Variants in DGLUCY observed in about 807,000 individuals in gnomAD.
DGLUCY encodes D-glutamate cyclase.
A neutral mutation model predicts 58.5 loss-of-function variants in DGLUCY; 58 were observed. The observed-to-expected ratio is 0.99, with a 90% CI of 0.80 to 1.23. The LOEUF (loss-of-function observed/expected upper bound fraction) is 1.23, where lower values mean the gene tolerates loss of function less well. DGLUCY is among the 50% of genes most tolerant of loss of function. The pLI, the probability that DGLUCY is intolerant of heterozygous loss-of-function variation, is 0.00. For synonymous variants in DGLUCY, 325 were observed against 314.1 expected (o/e 1.03, Z -0.37); for missense variants, 779 against 784.7 (o/e 0.99, Z 0.09).
chr14:91,121,923 C>A (rs777736468), intron 1 of DGLUCY, among the ~76,000 whole-genome samples: 2 of 152,128 alleles, frequency 1.3e-5, no homozygotes, highest in Non-Finnish European at 2.9e-5. Flanking sequence ...GTCTGCTCAT[C>A]TGTTTATTCC....
At chr14:91,065,698 G>A (rs191497638) in intron 1 of DGLUCY, among the ~76,000 whole-genome samples, 1 of 152,182 alleles carries the variant, frequency 6.6e-6, no homozygotes. Context: ...AGAGCAAATT[G>A]GAGTTTTGGA....
At chr14:91,065,999 G>A (rs2043812697) in intron 1 of DGLUCY, among the ~76,000 whole-genome samples, 1 of 152,136 alleles carries the variant, frequency 6.6e-6, no homozygotes, top group African/African-American at 2.4e-5. Flanking sequence ...AGACAGAGAG[G>A]TTGTCCAGCA....
intron 9 of DGLUCY, among the ~76,000 whole-genome samples, chr14:91,193,332 CCT>C (rs1278238098): frequency 2.6e-5 from 4 of 152,140 alleles, no homozygotes; most frequent in Admixed American, 6.5e-5. Flanking sequence ...GTCACTCTGC[CCT>C]CTCTGCTCAC....
chr14:91,090,897 A>G (rs2044300294), intron 1 of DGLUCY, among the ~76,000 whole-genome samples: 1 of 152,112 alleles, frequency 6.6e-6, no homozygotes, highest in South Asian at 2.1e-4. Flanking sequence ...TGCAGGGCGA[A>G]TCCACCCATT....
chr14:91,188,318 C>T (rs755042422), intron 8 of DGLUCY, among the ~76,000 whole-genome samples: 5 of 152,146 alleles, frequency 3.3e-5, no homozygotes, highest in South Asian at 4.1e-4. Flanking sequence ...ACTTCCATCA[C>T]GATCCAATAC....
upstream of DGLUCY, among the ~76,000 whole-genome samples, chr14:91,111,539 C>T (rs1262559697): frequency 6.6e-6 from 1 of 152,132 alleles, no homozygotes; most frequent in Admixed American, 6.6e-5. Context: ...CCTTGGCCTC[C>T]CAAAGTACTG....
At chr14:91,157,203 ATGAATGAATGGG>A (rs2047696985) in intron 1 of DGLUCY, among the ~76,000 whole-genome samples, 1 of 138,158 alleles carries the variant, frequency 7.2e-6, no homozygotes, top group African/African-American at 3.1e-5. Context: ...AGATGGATGG[ATGAATGAATGGG>A]TGGATGGATG....
intron 5 of DGLUCY, among the ~76,000 whole-genome samples, chr14:91,172,321 CA>C (rs1206993159): frequency 6.6e-6 from 1 of 152,184 alleles, no homozygotes; most frequent in African/African-American, 2.4e-5. Context: ...TCAAGCGATC[CA>C]ACCTTCTTGG....
intron 12 of DGLUCY, among the ~76,000 whole-genome samples, chr14:91,210,652 T>A (rs893986324): frequency 2.0e-5 from 3 of 152,144 alleles, no homozygotes; most frequent in Non-Finnish European, 2.9e-5. Context: ...GAAAAAGCAT[T>A]TGACAAAAGC....
chr14:91,174,924 A>C (rs2048773731), intron 6 of DGLUCY, among the ~76,000 whole-genome samples: 1 of 152,110 alleles, frequency 6.6e-6, no homozygotes, highest in Admixed American at 6.6e-5. Context: ...TGGTCACAGG[A>C]GTCTTCTGTG....
Position 91,196,455 on chromosome 14 carries a change from G to A in DGLUCY, c.1276G>A (p.Gly426Arg), listed in dbSNP as rs1399576972. 1 of 1,614,088 alleles carries A rather than the reference G, an allele frequency of 6.2e-7. No homozygotes were observed. Among genetic ancestry groups the A allele is most frequent in the Non-Finnish European group, 8.5e-7 (1 of 1,179,968 alleles). The change falls in exon 10 of 14, where the codon GGG becomes AGG. Residue 426 changes from glycine to arginine, a missense_variant. By Grantham distance (125) the Gly-to-Arg change is moderately radical. Coordinates refer to ENST00000256324, the MANE Select transcript of DGLUCY (RefSeq NM_001102368.3). ...TGCTCAGGCATTCCTGTGCAAAAATGGGGACCCGCAGACACCTAGGTACGT... is the reference window on the plus strand; with the variant it reads ...TGCTCAGGCATTCCTGTGCAAAAATAGGGACCCGCAGACACCTAGGTACGT... ...EAAQAFLCKN[G>R]DPQTPRFDHL...
At chr14:91,083,325 C>T (rs575314130) in intron 1 of DGLUCY, among the ~76,000 whole-genome samples, 4 of 152,170 alleles carry the variant, frequency 2.6e-5, no homozygotes, top group African/African-American at 9.6e-5. Context: ...AGTTCGAGAC[C>T]GGCCTGGCCA....
intron 1 of DGLUCY, chr14:91,145,086 G>A (rs549929786): frequency 4.0e-4 from 61 of 152,248 alleles, no homozygotes; most frequent in African/African-American, 1.5e-3. Flanking sequence ...GCCTTAAAAT[G>A]TTCAGCGTGG....
Position 91,194,676 on chromosome 14 carries a change from G to T in DGLUCY, c.1196-1699G>T, listed in dbSNP as rs1264833381. Among the ~76,000 whole-genome samples, 3 of 152,110 alleles carry T rather than the reference G, an allele frequency of 2.0e-5. No individual in the cohort carries two copies. In the East Asian group the frequency reaches 5.8e-4, roughly 29 times the overall value. On this transcript the variant is annotated intron_variant, in intron 9 of 13. Transcript: ENST00000256324. Reference sequence around the variant, plus strand: ...CTGCCTCAGCCTCCTGAGTAGCTGGGATTACAGGCGCCCGCCACCACGCCC... The same window carrying T: ...CTGCCTCAGCCTCCTGAGTAGCTGGTATTACAGGCGCCCGCCACCACGCCC...
At chr14:91,204,315 A>C (rs958429900) in intron 11 of DGLUCY, among the ~76,000 whole-genome samples, 23 of 152,340 alleles carry the variant, frequency 1.5e-4, no homozygotes, top group African/African-American at 5.5e-4. Context: ...AAGCCTTTAA[A>C]GTAAGTTCTA....
At chr14:91,100,077 A>C (rs2044461810) in intron 1 of DGLUCY, among the ~76,000 whole-genome samples, 1 of 146,568 alleles carries the variant, frequency 6.8e-6, no homozygotes, top group Non-Finnish European at 1.5e-5. Context: ...AAAAAAAAAG[A>C]AGAAGAAGAA....
At position 91,173,535 on chromosome 14, in the gene DGLUCY, C is replaced by T. The variant is rs560599033; in HGVS notation, c.607+96C>T. ...CTGCCCATGATCCCCCTGTTCACAT[C>T]GGCGACCCAGGTCAGTGTCTCTCGC... is the stretch of plus-strand genomic sequence containing the variant. On this transcript the variant is annotated intron_variant, in intron 6 of 13. Coordinates refer to ENST00000256324, the MANE Select transcript of DGLUCY (RefSeq NM_001102368.3). 6.0e-6 allele frequency: 8 copies of T among 1,328,852 alleles called. No homozygotes were observed. The East Asian group carries it at 1.0e-4, about 17-fold the overall frequency. 82.3% of individuals were successfully genotyped at this position (1,328,852 alleles called of 1,614,324 possible). A position where few individuals can be genotyped will look rare whatever the true frequency, so the allele number is the denominator to read the frequency against.
intron 1 of DGLUCY, among the ~76,000 whole-genome samples, chr14:91,157,320 T>C (rs1202038689): frequency 6.6e-6 from 1 of 152,074 alleles, no homozygotes; most frequent in Non-Finnish European, 1.5e-5. Context: ...GGTGGATGGA[T>C]GGATGGATGG....
At chr14:91,210,649 C>T (rs1885534409) in intron 12 of DGLUCY, among the ~76,000 whole-genome samples, 1 of 152,024 alleles carries the variant, frequency 6.6e-6, no homozygotes. Context: ...ACAGAAAAAG[C>T]ATTTGACAAA....
Sources: gnomAD v4.1 joint callset for allele counts (sites outside exome capture counted in the v4.1 genomes callset) on GRCh38, gnomAD v4.1.1 for gene constraint, MANE v1.5 for transcripts, NCBI Gene and HGNC (gene_info 2026-07-23, HGNC 2026-07-21) for gene names.